The following CNBD2 variants were observed in gnomAD, a reference collection of about 807,000 sequenced individuals.
The protein encoded by CNBD2 is cyclic nucleotide-binding domain-containing protein 2.
Under a neutral mutation model 63.7 loss-of-function variants are expected in CNBD2, and 64 were observed. That is an observed-to-expected ratio of 1.00 (90% CI 0.82 to 1.24). CNBD2 has a LOEUF of 1.24. Ranked by LOEUF, CNBD2 falls within the 50% of genes most tolerant of loss-of-function variation. The pLI, the probability that CNBD2 is intolerant of heterozygous loss-of-function variation, is 0.00. For synonymous variants in CNBD2, 229 were observed against 255.4 expected, an observed-to-expected ratio of 0.90 and a Z score of 0.99; for missense variants, 691 against 713.5, an observed-to-expected ratio of 0.97 and a Z score of 0.36.
At chr20:36,020,376 C>T (rs545216239) in intron 10 of CNBD2, among the ~76,000 whole-genome samples, 148 of 152,220 alleles carry the variant, frequency 9.7e-4, no homozygotes, top group African/African-American at 3.4e-3. Context: ...CCACTGCGCC[C>T]GGCCGATGTT....
upstream of CNBD2, among the ~76,000 whole-genome samples, chr20:35,967,975 A>G (rs1037206258): frequency 2.0e-4 from 31 of 152,216 alleles, no homozygotes; most frequent in African/African-American, 7.2e-4. Flanking sequence ...TTAGACAGCA[A>G]TCTTTTATTG....
chr20:36,015,372 C>T (rs1305626805), intron 10 of CNBD2, among the ~76,000 whole-genome samples: 1 of 152,096 alleles, frequency 6.6e-6, no homozygotes, highest in South Asian at 2.1e-4. Context: ...TAGTTTGATG[C>T]AATCTCATTT....
At position 35,983,964 on chromosome 20, in the gene CNBD2, G is replaced by T; in HGVS notation, c.408-18G>T. The T allele has an allele frequency of 6.2e-7, 1 of 1,614,138 alleles. No individual in the cohort carries two copies. The highest frequency in any genetic ancestry group is 1.1e-5 in the South Asian group (1 of 91,082). On this transcript the variant is annotated intron_variant, in intron 4 of 11. Coordinates refer to ENST00000373973, the MANE Select transcript of CNBD2 (RefSeq NM_001365709.1). ...CCCCATGTCACTACCCAATCAACTA[G>T]CAGTGGTCTTTTCCCAGGTTTGGTC... is the stretch of plus-strand genomic sequence containing the variant.
chr20:35,955,881 G>T (rs898600962), downstream of CNBD2, among the ~76,000 whole-genome samples: 1 of 152,028 alleles, frequency 6.6e-6, no homozygotes, highest in African/African-American at 2.4e-5. Context: ...CACCACACCC[G>T]GCTAATATTT....
At chr20:35,964,978 T>G (rs6058380), upstream of CNBD2, among the ~76,000 whole-genome samples, 40,602 of 151,760 alleles carry the variant, frequency 0.27, 6,556 homozygotes, top group African/African-American at 0.46. Flanking sequence ...TGGGATTACA[T>G]ACGTGAGCCA....
At chr20:35,961,690 G>A (rs1431994106) in intron 2 of CNBD2, among the ~76,000 whole-genome samples, 1 of 152,118 alleles carries the variant, frequency 6.6e-6, no homozygotes, top group Non-Finnish European at 1.5e-5. Flanking sequence ...TGGACAAGCT[G>A]CTTGTGGGAT....
chr20:35,995,212 C>A, intron 8 of CNBD2, 60 bp downstream of exon 8: 2 of 1,126,370 alleles, frequency 1.8e-6, no homozygotes, highest in Non-Finnish European at 2.7e-6. Context: ...GTTTCCAGTT[C>A]CCAGCACATA....
At chr20:35,981,614 A>AT (rs1251432577) in intron 4 of CNBD2, among the ~76,000 whole-genome samples, 1 of 151,760 alleles carries the variant, frequency 6.6e-6, no homozygotes, top group Non-Finnish European at 1.5e-5. Flanking sequence ...TTTACTTTTT[A>AT]TTTTTTGTAG....
chr20:36,018,853 G>A (rs751872223), intron 10 of CNBD2, among the ~76,000 whole-genome samples: 6 of 152,192 alleles, frequency 3.9e-5, no homozygotes, highest in South Asian at 4.1e-4. Context: ...GTGTGGCCAC[G>A]GGCAAATCAC....
At chr20:35,989,933 AAAGG>A (rs1302706082) in intron 7 of CNBD2, among the ~76,000 whole-genome samples, 1 of 151,694 alleles carries the variant, frequency 6.6e-6, no homozygotes, top group Non-Finnish European at 1.5e-5. Flanking sequence ...AGGAAAGAAG[AAAGG>A]AAGGAAGGAG....
intron 11 of CNBD2, among the ~76,000 whole-genome samples, chr20:36,027,694 TAGAC>T (rs1353389147): frequency 6.6e-6 from 1 of 151,672 alleles, no homozygotes; most frequent in Admixed American, 6.6e-5. Flanking sequence ...TTTTTTTTTT[TAGAC>T]AGAGTCTTGC....
chr20:35,986,418 C>A (rs1305304353), intron 6 of CNBD2, among the ~76,000 whole-genome samples: 1 of 152,092 alleles, frequency 6.6e-6, no homozygotes, highest in Non-Finnish European at 1.5e-5. Flanking sequence ...TAGGTCACGC[C>A]ATTTCTCTGT....
chr20:35,971,418 A>G (rs908462381), intron 1 of CNBD2, among the ~76,000 whole-genome samples: 2 of 151,684 alleles, frequency 1.3e-5, no homozygotes, highest in Admixed American at 6.6e-5. Flanking sequence ...GTCATATTCA[A>G]TTTCCTTATT....
chr20:35,968,485 T>G (rs2056366385), upstream of CNBD2: 1 of 347,262 alleles, frequency 2.9e-6, no homozygotes, highest in East Asian at 6.6e-5. Context: ...AGATAATGCC[T>G]GTGAGTATCC....
intron 7 of CNBD2, 53 bp from the exon 8 acceptor site, chr20:35,994,985 C>A: frequency 8.0e-7 from 1 of 1,251,324 alleles, no homozygotes; most frequent in South Asian, 1.3e-5. Context: ...AAAGCCTGGC[C>A]TACCTGGAGC....
At chr20:36,003,882 A>G (rs1312603113) in intron 8 of CNBD2, among the ~76,000 whole-genome samples, 3 of 151,800 alleles carry the variant, frequency 2.0e-5, no homozygotes, top group African/African-American at 7.3e-5. Flanking sequence ...CTGAAAAAAA[A>G]AAAAAAATCT....
chr20:36,010,666 G>A (rs2057045958), intron 9 of CNBD2, among the ~76,000 whole-genome samples: 1 of 151,968 alleles, frequency 6.6e-6, no homozygotes. Flanking sequence ...GGGAGGCTGA[G>A]GCATGAGTAT....
chr20:35,997,919 C>T (rs2056846529), intron 8 of CNBD2, among the ~76,000 whole-genome samples: 1 of 151,976 alleles, frequency 6.6e-6, no homozygotes, highest in Admixed American at 6.6e-5. Flanking sequence ...GTTCAAAATA[C>T]CTTTAAATTT....
chr20:35,968,925 T>A, intron 1 of CNBD2, 112 bp downstream of exon 1: 1 of 776,370 alleles, frequency 1.3e-6, no homozygotes, highest in Non-Finnish European at 2.1e-6. Context: ...GTGGCCATCC[T>A]GTACCTTTTG....
Sources: gnomAD v4.1 joint callset for allele counts (sites outside exome capture counted in the v4.1 genomes callset) on GRCh38, gnomAD v4.1.1 for gene constraint, MANE v1.5 for transcripts, NCBI Gene and HGNC (gene_info 2026-07-23, HGNC 2026-07-21) for gene names.